CDC14B: variants seen among roughly 807,000 people sequenced by gnomAD.
CDC14B encodes cell division cycle 14B, also known as dual specificity protein phosphatase CDC14B.
CDC14B carries 22 observed loss-of-function variants against 64.2 expected under a neutral mutation model. That is an observed-to-expected ratio of 0.34 (90% CI 0.24 to 0.49). The LOEUF (loss-of-function observed/expected upper bound fraction) is 0.49, where lower values mean the gene tolerates loss of function less well. CDC14B is among the 20% of genes least tolerant of loss of function. The pLI is 0.99. For missense variants in CDC14B, 498 were observed against 629.9 expected (o/e 0.79, Z 2.24); for synonymous variants, 191 against 215.8 (o/e 0.89, Z 1.01).
intron 1 of CDC14B, among the ~76,000 whole-genome samples, chr9:96,601,877 G>T (rs1195291642): frequency 6.7e-6 from 1 of 149,938 alleles, no homozygotes; most frequent in East Asian, 2.0e-4. Context: ...GGCTAACACA[G>T]TGAAATCCCA....
intron 9 of CDC14B, among the ~76,000 whole-genome samples, chr9:96,527,477 T>G (rs1001923354): frequency 6.6e-6 from 1 of 152,232 alleles, no homozygotes; most frequent in Non-Finnish European, 1.5e-5. Flanking sequence ...GAATATCATT[T>G]TAACCACTTT....
intron 1 of CDC14B, among the ~76,000 whole-genome samples, chr9:96,576,653 A>G (rs1050454299): frequency 7.0e-6 from 1 of 142,060 alleles, no homozygotes; most frequent in Admixed American, 7.1e-5. Context: ...AAAAAAAAAA[A>G]GATATAATTT....
chr9:96,507,840 C>G (rs1834371790), intron 13 of CDC14B, among the ~76,000 whole-genome samples: 1 of 152,062 alleles, frequency 6.6e-6, no homozygotes, highest in African/African-American at 2.4e-5. Flanking sequence ...TCCCACCAAC[C>G]AGAACTTTTA....
intron 5 of CDC14B, among the ~76,000 whole-genome samples, chr9:96,543,197 G>A (rs1185811028): frequency 1.3e-5 from 2 of 152,088 alleles, no homozygotes; most frequent in Middle Eastern, 3.4e-3. Flanking sequence ...TGAGCCGGGC[G>A]TGGTGGGGGG....
intron 7 of CDC14B, among the ~76,000 whole-genome samples, chr9:96,537,651 G>A (rs1011228044): frequency 2.0e-5 from 3 of 152,260 alleles, no homozygotes; most frequent in Non-Finnish European, 2.9e-5. Flanking sequence ...TTCTGATTAA[G>A]TGTCTGAGCA....
At chr9:96,539,717 C>A (rs1839777141) in intron 6 of CDC14B, among the ~76,000 whole-genome samples, 1 of 152,184 alleles carries the variant, frequency 6.6e-6, no homozygotes, top group South Asian at 2.1e-4. Context: ...AAAAGATATT[C>A]TTTCCATAGG....
At chr9:96,556,069 C>T (rs1842464069) in intron 4 of CDC14B, among the ~76,000 whole-genome samples, 1 of 152,172 alleles carries the variant, frequency 6.6e-6, no homozygotes, top group African/African-American at 2.4e-5. Flanking sequence ...CATGTGCTTC[C>T]TATTTCTACT....
Position 96,598,483 on chromosome 9 carries a change from C to T in CDC14B, c.160+20736G>A, listed in dbSNP as rs1430025155. Among the ~76,000 whole-genome samples, 4 of 152,252 alleles carry T rather than the reference C, an allele frequency of 2.6e-5. No homozygotes were observed. In the East Asian group the frequency reaches 5.8e-4, roughly 22 times the overall value. ...TCCCCAGTAGCTGGGATTACAGGCG[C>T]CTGCCACTACACCCAGCTAATTTTT... On this transcript the variant is annotated intron_variant, in intron 1 of 13. Transcript: ENST00000375241.
intron 5 of CDC14B, among the ~76,000 whole-genome samples, chr9:96,542,793 G>C (rs1290804402): frequency 6.7e-6 from 1 of 150,018 alleles, no homozygotes; most frequent in Admixed American, 6.6e-5. Context: ...GGTGGATCAC[G>C]AGGTCAGGAG....
rs1833109932 is a variant in CDC14B at position 96,492,243 on chromosome 9, G to A, written c.*1090C>T. 3 of 152,360 alleles carry A rather than the reference G, an allele frequency of 2.0e-5. No individual in the cohort carries two copies. The South Asian group carries it at 6.2e-4, about 32-fold the overall frequency. 9.4% of individuals were successfully genotyped at this position (152,360 alleles called of 1,614,324 possible). ...AAAAGTGGAGGTCAAGCAAGTTTGAGCTGGTTATAGCCAAGCCCAGGCTGG... is the reference window on the plus strand; with the variant it reads ...AAAAGTGGAGGTCAAGCAAGTTTGAACTGGTTATAGCCAAGCCCAGGCTGG... On this transcript the variant is annotated 3_prime_UTR_variant and NMD_transcript_variant, in exon 14 of 14. Transcript: ENST00000474602.
intron 12 of CDC14B, among the ~76,000 whole-genome samples, chr9:96,513,747 A>G (rs1461010658): frequency 6.6e-6 from 1 of 152,226 alleles, no homozygotes; most frequent in Non-Finnish European, 1.5e-5. Flanking sequence ...GCGTGCACAA[A>G]GGTGACCCTG....
At chr9:96,587,737 T>A (rs1387888910) in intron 1 of CDC14B, among the ~76,000 whole-genome samples, 1 of 152,154 alleles carries the variant, frequency 6.6e-6, no homozygotes, top group East Asian at 1.9e-4. Context: ...GAAGAGTAAG[T>A]AGCCTGCACA....
downstream of CDC14B, among the ~76,000 whole-genome samples, chr9:96,498,396 T>A (rs569630091): frequency 1.7e-4 from 26 of 152,332 alleles, no homozygotes; most frequent in African/African-American, 5.8e-4. Flanking sequence ...CCAGTGGGAC[T>A]TGCACTTTCC....
intron 1 of CDC14B, among the ~76,000 whole-genome samples, chr9:96,596,655 G>A (rs1352767538): frequency 6.6e-6 from 1 of 152,060 alleles, no homozygotes; most frequent in Non-Finnish European, 1.5e-5. Flanking sequence ...GGGCCCGGAA[G>A]TTGGAGACCA....
chr9:96,522,657 A>C, intron 11 of CDC14B, 54 bp from the exon 12 acceptor site: 2 of 1,085,374 alleles, frequency 1.8e-6, no homozygotes, highest in South Asian at 2.5e-5. Context: ...TTATTAATGC[A>C]GTACAGCAGA....
At chr9:96,496,052 C>T (rs1255737714), downstream of CDC14B, among the ~76,000 whole-genome samples, 1 of 152,170 alleles carries the variant, frequency 6.6e-6, no homozygotes, top group Non-Finnish European at 1.5e-5. Flanking sequence ...AAGAAAGTGT[C>T]AGCAGCACTG....
intron 13 of CDC14B, 134 bp from the exon 14 acceptor site, chr9:96,503,923 G>A (rs1200242242): frequency 1.5e-6 from 1 of 663,194 alleles, no homozygotes; most frequent in African/African-American, 1.8e-5. Flanking sequence ...AGTTTCTAAT[G>A]ACAAATACTT....
intron 4 of CDC14B, among the ~76,000 whole-genome samples, chr9:96,557,520 T>C (rs1842646510): frequency 6.6e-6 from 1 of 152,212 alleles, no homozygotes; most frequent in African/African-American, 2.4e-5. Context: ...CCAAGATAAT[T>C]AAATCATTTA....
intron 13 of CDC14B, among the ~76,000 whole-genome samples, chr9:96,494,807 G>GACCCGTCCCA (rs1554728024): frequency 4.2e-5 from 4 of 95,622 alleles, no homozygotes; most frequent in African/African-American, 1.7e-4. Context: ...GTCCAGTCTC[G>GACCCGTCCCA]TCCCGTCCCA....
Sources: gnomAD v4.1 joint callset for allele counts (sites outside exome capture counted in the v4.1 genomes callset) on GRCh38, gnomAD v4.1.1 for gene constraint, MANE v1.5 for transcripts, NCBI Gene and HGNC (gene_info 2026-07-23, HGNC 2026-07-21) for gene names.